ZNF846: variants seen among roughly 807,000 people sequenced by gnomAD.
The protein encoded by ZNF846 is zinc finger protein 420 pseudogene.
In ZNF846, 15 loss-of-function variants were observed where a neutral mutation model predicts 16.0. That is an observed-to-expected ratio of 0.94 (90% CI 0.63 to 1.45). The LOEUF (loss-of-function observed/expected upper bound fraction) is 1.45. Among genes scored for constraint, ZNF846 ranks in the 40% most tolerant of loss-of-function variants. The pLI is 0.00. For synonymous variants in ZNF846, 229 were observed against 212.0 expected (o/e 1.08, Z -0.70); for missense variants, 714 against 622.3 (o/e 1.15, Z -1.57).
At position 9,762,175 on chromosome 19, in the gene ZNF846, G is replaced by C; in HGVS notation, c.143-7C>G. On this transcript the variant is annotated splice_region_variant and splice_polypyrimidine_tract_variant and intron_variant, in intron 3 of 5. Transcript: ENST00000397902. The stretch of plus-strand genomic sequence containing the variant: ...TTGAATAATTCAGACCCTGCTGGAG[G>C]GAAAAATGCACAAAAGAAGAGGCCC... 1 of 1,612,682 alleles carries C rather than the reference G, an allele frequency of 6.2e-7. No individual in the cohort carries two copies. Among genetic ancestry groups the C allele is most frequent in the Non-Finnish European group, 8.5e-7 (1 of 1,178,942 alleles).
chr19:9,759,415 C>T (rs1283517892), intron 5 of ZNF846, among the ~76,000 whole-genome samples: 3 of 150,598 alleles, frequency 2.0e-5, no homozygotes, highest in African/African-American at 2.5e-5. Context: ...CCAGCCTGGA[C>T]AAAATGGTGA....
intron 1 of ZNF846, among the ~76,000 whole-genome samples, chr19:9,780,696 G>C (rs991793575): frequency 2.0e-5 from 3 of 151,956 alleles, no homozygotes; most frequent in African/African-American, 4.8e-5. Context: ...TGATCCACCT[G>C]CCTCAGCCTC....
chr19:9,762,400 A>G (rs1363384015), intron 3 of ZNF846: 4 of 383,094 alleles, frequency 1.0e-5, no homozygotes, highest in Non-Finnish European at 1.9e-5. Context: ...CACTTTGGGA[A>G]GCCAAGGCAG....
At chr19:9,752,012 G>A (rs563182411), downstream of ZNF846, 1 of 152,334 alleles carries the variant, frequency 6.6e-6, no homozygotes, top group South Asian at 2.1e-4. Flanking sequence ...AGTGGCTCAT[G>A]CCTGTAATCC....
chr19:9,751,354 C>T (rs956008486), downstream of ZNF846, among the ~76,000 whole-genome samples: 2 of 152,126 alleles, frequency 1.3e-5, no homozygotes, highest in Non-Finnish European at 2.9e-5. Context: ...CAAAATTTCA[C>T]CCCAAGTTTT....
intron 1 of ZNF846, among the ~76,000 whole-genome samples, chr19:9,783,542 A>ATATATATATAT (rs61553274): frequency 1.4e-3 from 164 of 118,316 alleles, no homozygotes; most frequent in African/African-American, 6.2e-3. Context: ...AAAAAAAAAA[A>ATATATATATAT]AAATATATAT....
chr19:9,768,039 A>G (rs1314715233), intron 1 of ZNF846, among the ~76,000 whole-genome samples: 1 of 152,180 alleles, frequency 6.6e-6, no homozygotes, highest in Non-Finnish European at 1.5e-5. Context: ...GCGGCATCCT[A>G]CTTCCTGGAA....
At chr19:9,783,286 A>C (rs2045521417) in intron 1 of ZNF846, among the ~76,000 whole-genome samples, 1 of 122,802 alleles carries the variant, frequency 8.1e-6, no homozygotes. Flanking sequence ...GCTGGAGTGC[A>C]GTAGCACGAT....
intron 1 of ZNF846, among the ~76,000 whole-genome samples, chr19:9,765,363 C>T (rs907394374): frequency 1.4e-5 from 2 of 146,432 alleles, no homozygotes; most frequent in Non-Finnish European, 3.0e-5. Context: ...TGACAGAGTG[C>T]GACTCCATCT....
At chr19:9,757,434 C>T, downstream of ZNF846, 7 of 1,466,298 alleles carry the variant, frequency 4.8e-6, no homozygotes, top group African/African-American at 1.5e-5. Context: ...GATTTTTTTC[C>T]AGATGAGTTT....
upstream of ZNF846, among the ~76,000 whole-genome samples, chr19:9,772,174 T>C (rs1182467585): frequency 6.6e-6 from 1 of 152,216 alleles, no homozygotes; most frequent in African/African-American, 2.4e-5. Flanking sequence ...AATGTGAGCT[T>C]AGATGTTTTA....
At chr19:9,763,969 C>T (rs749746422) in intron 2 of ZNF846, among the ~76,000 whole-genome samples, 7 of 152,192 alleles carry the variant, frequency 4.6e-5, no homozygotes, top group Non-Finnish European at 8.8e-5. Context: ...AAAGACAATG[C>T]CAGGTTGGAC....
intron 1 of ZNF846, chr19:9,774,946 T>G (rs2045423600): frequency 6.2e-7 from 1 of 1,609,208 alleles, no homozygotes; most frequent in African/African-American, 1.3e-5. Flanking sequence ...ATGGGGAAAG[T>G]GACCTGTGGA....
chr19:9,775,582 T>C (rs114426641), intron 1 of ZNF846, among the ~76,000 whole-genome samples: 1,774 of 152,304 alleles, frequency 0.012, 24 homozygotes, highest in African/African-American at 0.04. Flanking sequence ...ATTACATGGA[T>C]AACTCACACC....
At position 9,785,519 on chromosome 19, in the gene ZNF846, C is replaced by A. The variant is rs1357918453; in HGVS notation, c.-86+419G>T. On this transcript the variant is annotated intron_variant, in intron 1 of 4. Transcript: ENST00000586814. ...CCACCCCCATCTCTCCCTTCACCGA[C>A]TCCCCGCCCCCGTCTCTCGCTCACG... Among the ~76,000 whole-genome samples the A allele has an allele frequency of 3.7e-5, 5 of 133,338 alleles. No homozygotes were observed. The South Asian group carries it at 1.3e-3, about 36-fold the overall frequency. 87.5% of individuals were successfully genotyped at this position (133,338 alleles called of 152,430 possible). A position where few individuals can be genotyped will look rare whatever the true frequency, so the allele number is the denominator to read the frequency against.
rs113683076 is a variant in ZNF846 at position 9,767,000 on chromosome 19, T to A, written c.-86+1289A>T. Among the ~76,000 whole-genome samples, 788 of 152,174 alleles carry A rather than the reference T, an allele frequency of 5.2e-3. 5 individuals are homozygous for A. Among genetic ancestry groups the A allele is most frequent in the African/African-American group, 9.2e-3 (382 of 41,544 alleles). On this transcript the variant is annotated intron_variant, in intron 1 of 5. Transcript: ENST00000397902. ...TAGTTATGCTTTTATTTATTTATTT[T>A]TTTTTTTGTAGAGATGGGGTCTCAC...
intron 1 of ZNF846, among the ~76,000 whole-genome samples, chr19:9,775,586 T>G (rs187519271): frequency 1.8e-4 from 27 of 152,252 alleles, no homozygotes; most frequent in African/African-American, 6.3e-4. Context: ...CATGGATAAC[T>G]CACACCATTC....
At chr19:9,758,987 T>G (rs573802932) in intron 5 of ZNF846, among the ~76,000 whole-genome samples, 4 of 151,848 alleles carry the variant, frequency 2.6e-5, no homozygotes, top group South Asian at 4.1e-4. Flanking sequence ...TCTTAGACAA[T>G]CTGTCTGATA....
chr19:9,749,020 C>G (rs1313935446), downstream of ZNF846, among the ~76,000 whole-genome samples: 6 of 152,142 alleles, frequency 3.9e-5, no homozygotes, highest in Admixed American at 2.0e-4. Flanking sequence ...ACTGCTTAGT[C>G]ATCTATAGTA....
Sources: gnomAD v4.1 joint callset for allele counts (sites outside exome capture counted in the v4.1 genomes callset) on GRCh38, gnomAD v4.1.1 for gene constraint, MANE v1.5 for transcripts, NCBI Gene and HGNC (gene_info 2026-07-23, HGNC 2026-07-21) for gene names.